NLRP7: variants seen among roughly 807,000 people sequenced by gnomAD.
NLRP7 encodes NLR family pyrin domain containing 7.
NLRP7 carries 72 observed loss-of-function variants against 85.5 expected under a neutral mutation model. The observed-to-expected ratio is 0.84, with a 90% CI of 0.70 to 1.02. NLRP7 has a LOEUF of 1.02. Among genes scored for constraint, NLRP7 ranks in the 50% least tolerant of loss-of-function variants. NLRP7 has a pLI of 0.00. For missense variants in NLRP7, 1,243 were observed against 1,219.5 expected, an observed-to-expected ratio of 1.02 and a Z score of -0.29; for synonymous variants, 550 against 505.2, an observed-to-expected ratio of 1.09 and a Z score of -1.19.
rs1002264584 is a variant in NLRP7, at chr19:54,939,662, G to T, written c.1157C>A (p.Thr386Asn). ...GAACAGCCCCGTGCGGGTGAGGCAG[G>T]TGGGGACCGGGTCCTCCCCCTTCTC... Residue 386 changes from threonine (T) to asparagine (N), a missense_variant, in exon 4 of 10, where the codon ACC (threonine) becomes AAC (asparagine). Coordinates refer to ENST00000340844, the Ensembl canonical transcript of NLRP7. The T allele has an allele frequency of 6.2e-6, 10 of 1,612,470 alleles. No individual in the cohort carries two copies. In the African/African-American group the frequency reaches 1.1e-4, roughly 17 times the overall value.
chr19:54,930,749 T>A, intron 8 of NLRP7, 83 bp from the exon 9 acceptor site: 2 of 1,132,826 alleles, frequency 1.8e-6, no homozygotes, highest in Non-Finnish European at 2.7e-6. Context: ...ACTATATACC[T>A]TCCACTTATA....
chr19:54,943,459 G>A (rs2069324379), intron 1 of NLRP7, among the ~76,000 whole-genome samples: 2 of 151,722 alleles, frequency 1.3e-5, no homozygotes, highest in South Asian at 2.1e-4. Flanking sequence ...CAATTAGCCG[G>A]GCGTGGTGGC....
intron 9 of NLRP7, among the ~76,000 whole-genome samples, chr19:54,927,158 G>A (rs1038821441): frequency 4.0e-5 from 6 of 151,716 alleles, no homozygotes; most frequent in African/African-American, 1.2e-4. Context: ...GGAGGCCGAG[G>A]CAGGTGGCTC....
chr19:54,954,027 AAAAT>A (rs1282230247), intron 1 of NLRP7, among the ~76,000 whole-genome samples: 4 of 148,934 alleles, frequency 2.7e-5, no homozygotes, highest in Admixed American at 6.7e-5. Flanking sequence ...AAAATAAATA[AAAAT>A]AAATAAAGCA....
chr19:54,931,447 TGG>T (rs1491346643), intron 8 of NLRP7, among the ~76,000 whole-genome samples: 8 of 152,050 alleles, frequency 5.3e-5, no homozygotes, highest in Non-Finnish European at 8.8e-5. Context: ...CTCAGCACTT[TGG>T]GAGGCTGAGG....
chr19:54,935,570 C>T (rs1034237961), intron 6 of NLRP7, among the ~76,000 whole-genome samples: 2 of 140,814 alleles, frequency 1.4e-5, no homozygotes, highest in Non-Finnish European at 1.5e-5. Flanking sequence ...GTGGTGCACG[C>T]CTGTAACCCC....
chr19:54,925,485 C>A (rs968617357), intron 9 of NLRP7, among the ~76,000 whole-genome samples: 8 of 152,130 alleles, frequency 5.3e-5, no homozygotes, highest in Non-Finnish European at 1.0e-4. Context: ...ACATGCGTAT[C>A]ATCTCTACAA....
chr19:54,936,185 C>T, intron 6 of NLRP7, 76 bp downstream of exon 6: 1 of 1,358,302 alleles, frequency 7.4e-7, no homozygotes, highest in Non-Finnish European at 1.1e-6. Flanking sequence ...GAGTGGTTAC[C>T]CTTTTTCCTA....
At chr19:54,948,075 A>G (rs182732392), upstream of NLRP7, among the ~76,000 whole-genome samples, 72 of 152,232 alleles carry the variant, frequency 4.7e-4, no homozygotes, top group Admixed American at 7.2e-4. Flanking sequence ...CATCTCTTCA[A>G]AAATATTTAA....
Position 54,943,223 on chromosome 19 carries a change from T to C in NLRP7, c.-39-1473A>G, listed in dbSNP as rs564499233. 5.4e-4 allele frequency among the ~76,000 whole-genome samples: 82 copies of C among 151,458 alleles called. 1 individual carries two copies. The highest frequency in any genetic ancestry group is 7.1e-3 in the Middle Eastern group (2 of 282). On this transcript the variant is annotated intron_variant, in intron 1 of 9. Transcript: ENST00000340844. The stretch of plus-strand genomic sequence containing the variant: ...TACTTGGGAGGCTGACACAGGAGGA[T>C]TGTTTGAGCCTACGATTTGGAGGTT...
intron 1 of NLRP7, among the ~76,000 whole-genome samples, chr19:54,956,910 G>A (rs1260602507): frequency 1.3e-5 from 2 of 151,758 alleles, no homozygotes; most frequent in East Asian, 1.9e-4. Flanking sequence ...AATTACAGGC[G>A]TGAACCCAGC....
At chr19:54,926,985 G>A (rs1188821045) in intron 9 of NLRP7, among the ~76,000 whole-genome samples, 1 of 151,514 alleles carries the variant, frequency 6.6e-6, no homozygotes, top group African/African-American at 2.4e-5. Context: ...AGCTACTCAG[G>A]AGGTTGAGGC....
intron 1 of NLRP7, 98 bp downstream of exon 1, chr19:54,947,371 C>A (rs915516355): frequency 2.0e-5 from 18 of 893,328 alleles, no homozygotes; most frequent in Non-Finnish European, 2.9e-5. Context: ...TCGCACCAAC[C>A]ATTAAGGCTT....
rs555815230 is a variant in NLRP7 at position 54,959,299 on chromosome 19, C to T, written c.-77+6741G>A. On this transcript the variant is annotated intron_variant, in intron 1 of 2. Coordinates refer to the NLRP7 transcript ENST00000587103. ...GATTACAGGCGCACGCCACCATGCC[C>T]GGCTAATTTTTGTATTTTTAATAGA... Among the ~76,000 whole-genome samples the T allele has an allele frequency of 7.3e-5, 11 of 150,664 alleles. No individual in the cohort carries two copies. The East Asian group carries it at 7.9e-4, about 11-fold the overall frequency.
chr19:54,958,926 G>C (rs1387250003), intron 1 of NLRP7, among the ~76,000 whole-genome samples: 1 of 152,054 alleles, frequency 6.6e-6, no homozygotes, highest in African/African-American at 2.4e-5. Context: ...GTGCACTGCT[G>C]GTCAGAGAGA....
At position 54,934,495 on chromosome 19, in the gene NLRP7, A is replaced by G; in HGVS notation, c.2465T>C (p.Met822Thr). The G allele has an allele frequency of 1.9e-6, 3 of 1,614,130 alleles. No homozygotes were observed. The highest frequency in any genetic ancestry group is 2.5e-6 in the Non-Finnish European group (3 of 1,179,988). Reference sequence around the variant, plus strand: ...ATGGGAAGAGGAGACTTACGACAACATCTGCAGGAAGTGTTTTGGGCGTGT... The same window carrying G: ...ATGGGAAGAGGAGACTTACGACAACGTCTGCAGGAAGTGTTTTGGGCGTGT... Residue 822 changes from methionine to threonine, a missense_variant, in exon 7 of 10, where the codon ATG becomes ACG. Physicochemically the swap from Met to Thr is moderately conservative, Grantham distance 81 (BLOSUM62 -1). Coordinates refer to ENST00000340844, the Ensembl canonical transcript of NLRP7. The surrounding 1 kb of genome is among the most constrained non-coding windows in gnomAD (Gnocchi z 6.7).
intron 1 of NLRP7, among the ~76,000 whole-genome samples, chr19:54,958,921 C>T (rs1325524105): frequency 1.3e-5 from 2 of 152,026 alleles, no homozygotes; most frequent in African/African-American, 2.4e-5. Flanking sequence ...GTTTCGTGCA[C>T]TGCTGGTCAG....
chr19:54,962,268 ATTT>A (rs34974314), intron 1 of NLRP7, among the ~76,000 whole-genome samples: 2 of 133,192 alleles, frequency 1.5e-5, no homozygotes, highest in Non-Finnish European at 1.6e-5. Flanking sequence ...CCATCCCTCA[ATTT>A]TTTTTTTTTT....
At chr19:54,939,060 C>A in exon 4 of NLRP7, 2 of 1,614,238 alleles carry the variant, frequency 1.2e-6, no homozygotes, top group Non-Finnish European at 1.7e-6. Flanking sequence ...GGGGCCACCA[C>A]CACCTTCGCC....
Sources: allele counts gnomAD v4.1 joint callset (sites outside exome capture counted in the v4.1 genomes callset), GRCh38; gene constraint gnomAD v4.1.1; non-coding constraint Gnocchi (gnomAD v3.1); transcripts MANE v1.5; gene names NCBI Gene and HGNC (gene_info 2026-07-23, HGNC 2026-07-21).